TRAF3IP1: variants seen among roughly 807,000 people sequenced by gnomAD.
TRAF3IP1 encodes intraflagellar transport 54.
TRAF3IP1 carries 53 observed loss-of-function variants against 89.9 expected under a neutral mutation model. The observed-to-expected ratio is 0.59, with a 90% CI of 0.47 to 0.74. The LOEUF is 0.74. Among genes scored for constraint, TRAF3IP1 ranks in the 30% least tolerant of loss-of-function variants. TRAF3IP1 has a pLI of 0.00. For missense variants in TRAF3IP1, 806 were observed against 866.1 expected (o/e 0.93, Z 0.87); for synonymous variants, 311 against 322.1 (o/e 0.97, Z 0.37).
At chr2:238,347,300 G>C in intron 9 of TRAF3IP1, 155 bp from the exon 10 acceptor site, 1 of 720,430 alleles carries the variant, frequency 1.4e-6, no homozygotes, top group Non-Finnish European at 2.4e-6. Context: ...TGGCAATAGG[G>C]ACATTAGAAA....
intron 7 of TRAF3IP1, among the ~76,000 whole-genome samples, chr2:238,336,908 T>C (rs1468992589): frequency 1.3e-5 from 2 of 151,958 alleles, no homozygotes; most frequent in East Asian, 3.9e-4. Flanking sequence ...AGTTGAAAGC[T>C]TTACTGCCTG....
intron 15 of TRAF3IP1, among the ~76,000 whole-genome samples, chr2:238,383,583 C>T (rs1483363134): frequency 6.6e-6 from 1 of 152,146 alleles, no homozygotes; most frequent in African/African-American, 2.4e-5. Context: ...AAATCTTGCC[C>T]ACGTATTTTT....
At chr2:238,334,729 A>G (rs1317818478) in intron 7 of TRAF3IP1, among the ~76,000 whole-genome samples, 1 of 152,232 alleles carries the variant, frequency 6.6e-6, no homozygotes, top group African/African-American at 2.4e-5. Context: ...GGAGGCTTAG[A>G]TGGTAGGTTC....
intron 8 of TRAF3IP1, among the ~76,000 whole-genome samples, chr2:238,341,551 A>ATTTTTC (rs1559364603): frequency 8.2e-6 from 1 of 122,388 alleles, no homozygotes; most frequent in African/African-American, 4.1e-5. Context: ...TTTTTTAAAA[A>ATTTTTC]AAAAACACTG....
Position 238,399,705 on chromosome 2 carries a change from A to G in TRAF3IP1, c.*786A>G, listed in dbSNP as rs576790885. 40 of 152,304 alleles carry G rather than the reference A, an allele frequency of 2.6e-4. No homozygotes were observed. The highest frequency in any genetic ancestry group is 9.6e-4 in the African/African-American group (40 of 41,564). 9.4% of individuals were successfully genotyped at this position (152,304 alleles called of 1,614,324 possible). On this transcript the variant is annotated 3_prime_UTR_variant, in exon 17 of 17. Coordinates refer to ENST00000373327, the MANE Select transcript of TRAF3IP1 (RefSeq NM_015650.4). ...CCCCCCGGAGTCCTTGTTCTCCTTA[A>G]GAGGGTCTCGCTCTGCAAAGCATTG...
At chr2:238,341,432 A>G (rs1286513897) in intron 8 of TRAF3IP1, among the ~76,000 whole-genome samples, 1 of 152,100 alleles carries the variant, frequency 6.6e-6, no homozygotes, top group Non-Finnish European at 1.5e-5. Context: ...ATTTTCCTAC[A>G]TAGCCAGAAA....
intron 5 of TRAF3IP1, among the ~76,000 whole-genome samples, chr2:238,332,387 A>G (rs1698168199): frequency 6.6e-6 from 1 of 152,210 alleles, no homozygotes; most frequent in Non-Finnish European, 1.5e-5. Flanking sequence ...GAATTGCCCC[A>G]TTCTATTAAT....
chr2:238,332,743 T>A (rs1158321403), intron 5 of TRAF3IP1, 81 bp from the exon 6 acceptor site: 1 of 1,059,398 alleles, frequency 9.4e-7, no homozygotes, highest in South Asian at 1.4e-5. Flanking sequence ...TTGGTCAGTG[T>A]TATAGAAAAT....
At chr2:238,385,062 C>T (rs1242300930) in intron 15 of TRAF3IP1, among the ~76,000 whole-genome samples, 1 of 152,052 alleles carries the variant, frequency 6.6e-6, no homozygotes, top group African/African-American at 2.4e-5. Flanking sequence ...GTCCCCCAGG[C>T]TGGAGTGCAA....
intron 8 of TRAF3IP1, among the ~76,000 whole-genome samples, chr2:238,340,133 C>A (rs937476267): frequency 1.1e-4 from 16 of 152,258 alleles, no homozygotes; most frequent in African/African-American, 3.1e-4. Context: ...TCTTTCTCCT[C>A]CCCCCGACCC....
In TRAF3IP1 at chr2:238,320,528, A is replaced by G. The variant is rs1697462044; in HGVS notation, c.-135A>G. On this transcript the variant is annotated 5_prime_UTR_variant, in exon 1 of 17. It removes an upstream start codon present in the reference 5' UTR. Coordinates refer to ENST00000373327, the MANE Select transcript of TRAF3IP1 (RefSeq NM_015650.4). ...GTGGTGGGCTCCGGTGCACTGTGGG[A>G]TGGAAACCGGAGCGGCGCGTCCTGG... 17 of 1,005,246 alleles carry G rather than the reference A, an allele frequency of 1.7e-5. No individual in the cohort carries two copies. Among genetic ancestry groups the G allele is most frequent in the Non-Finnish European group, 2.0e-5 (17 of 840,482 alleles). The allele number at this position is 1,005,246 out of a possible 1,614,324, so 62.3% of individuals were successfully genotyped here. A position where few individuals can be genotyped will look rare whatever the true frequency, so the allele number is the denominator to read the frequency against.
intron 15 of TRAF3IP1, among the ~76,000 whole-genome samples, chr2:238,369,683 C>T (rs950469573): frequency 1.3e-5 from 2 of 152,216 alleles, no homozygotes; most frequent in Admixed American, 6.5e-5. Flanking sequence ...TGACTGCAGA[C>T]GCTCTCCGTG....
chr2:238,320,780 A>C lies in TRAF3IP1; in HGVS notation c.118A>C (p.Thr40Pro), dbSNP rs1225876583. ...GTTCCGCTACCTGCACGACATCATC[A>C]CGGAGGTGGGCGCCGGGGACCGGGC... Reference protein sequence around the residue: ...PPFRYLHDIITEVIRMTGFMK... With the variant: ...PPFRYLHDIIPEVIRMTGFMK... The change falls in exon 1 of 17, where the codon ACG (threonine) becomes CCG (proline). Residue 40 changes from threonine to proline, a missense_variant. This residue lies in a region of TRAF3IP1 where 732 missense variants were observed against 780.5 expected (regional missense o/e 0.94). Coordinates refer to ENST00000373327, the MANE Select transcript of TRAF3IP1 (RefSeq NM_015650.4). 7.1e-7 allele frequency: 1 copy of C among 1,415,958 alleles called. No homozygotes were observed. Among genetic ancestry groups the C allele is most frequent in the Non-Finnish European group, 9.3e-7 (1 of 1,070,038 alleles). 87.7% of individuals were successfully genotyped at this position (1,415,958 alleles called of 1,614,324 possible).
intron 3 of TRAF3IP1, among the ~76,000 whole-genome samples, chr2:238,326,203 T>C (rs1697824556): frequency 6.6e-6 from 1 of 152,198 alleles, no homozygotes; most frequent in African/African-American, 2.4e-5. Context: ...TTCTGCAAGC[T>C]TTCAGTAGAA....
chr2:238,328,629 T>C, intron 3 of TRAF3IP1, 57 bp from the exon 4 acceptor site: 1 of 1,569,956 alleles, frequency 6.4e-7, no homozygotes, highest in Non-Finnish European at 8.7e-7. Context: ...TTCTATTTGT[T>C]ACGTGTGCGG....
In TRAF3IP1 at chr2:238,345,643, G is replaced by A. The variant is rs908897941; in HGVS notation, c.1261+1045G>A. On this transcript the variant is annotated intron_variant, in intron 9 of 16. Coordinates refer to ENST00000373327, the MANE Select transcript of TRAF3IP1 (RefSeq NM_015650.4). The surrounding 1 kb of genome is among the most constrained non-coding windows in gnomAD (Gnocchi z 4.7). ...AAGATTGTGCAGAGAAGAGAGAGAG[G>A]CCTGGACTGTGGAGGCGCCCTGGGA... 6.6e-6 allele frequency among the ~76,000 whole-genome samples: 1 copy of A among 151,358 alleles called. No individual in the cohort carries two copies. Among genetic ancestry groups the A allele is most frequent in the African/African-American group, 2.4e-5 (1 of 41,286 alleles).
rs983773901 is a variant in TRAF3IP1, at chr2:238,356,119, G to A, written c.1689+39G>A. ...TTCCATAAACACTGGCATTTTAGCA[G>A]TCTGTTTCATGCATTTACAGACTTT... is the stretch of plus-strand genomic sequence containing the variant. On this transcript the variant is annotated intron_variant, in intron 15 of 16. Transcript: ENST00000373327. 3.4e-6 allele frequency: 5 copies of A among 1,485,512 alleles called. No individual in the cohort carries two copies. The African/African-American group carries it at 4.2e-5, about 12-fold the overall frequency. The allele number at this position is 1,485,512 out of a possible 1,614,324, so 92.0% of individuals were successfully genotyped here.
intron 15 of TRAF3IP1, among the ~76,000 whole-genome samples, chr2:238,361,921 C>T (rs1373164943): frequency 6.6e-6 from 1 of 152,216 alleles, no homozygotes; most frequent in African/African-American, 2.4e-5. Context: ...CTTTTGCTGT[C>T]TACAATCTAC....
rs568272475 is a variant in TRAF3IP1, at chr2:238,351,516, G to A, written c.1452-1311G>A. On this transcript the variant is annotated intron_variant, in intron 12 of 16. Transcript: ENST00000373327. The surrounding 1 kb of genome is among the most constrained non-coding windows in gnomAD (Gnocchi z 5.2). ...GAAGCTGTGTCCTGGAGAGCAAGGCGGGACAGAGAGGGCCTGCCGATCACG... is the reference window on the plus strand; with the variant it reads ...GAAGCTGTGTCCTGGAGAGCAAGGCAGGACAGAGAGGGCCTGCCGATCACG... 2.6e-5 allele frequency among the ~76,000 whole-genome samples: 4 copies of A among 152,240 alleles called. No homozygotes were observed. Among genetic ancestry groups the A allele is most frequent in the East Asian group, 1.9e-4 (1 of 5,168 alleles).
Sources: gnomAD v4.1 joint callset for allele counts (sites outside exome capture counted in the v4.1 genomes callset) on GRCh38, gnomAD v4.1.1 for gene constraint, gnomAD v4.1.1 regional missense constraint, Gnocchi (gnomAD v3.1) non-coding constraint, MANE v1.5 for transcripts, NCBI Gene and HGNC (gene_info 2026-07-23, HGNC 2026-07-21) for gene names.